VEPH1: variants seen among roughly 807,000 people sequenced by gnomAD.
VEPH1 encodes the protein ventricular zone expressed PH domain containing 1.
A neutral mutation model predicts 85.2 loss-of-function variants in VEPH1; 80 were observed. That is an observed-to-expected ratio of 0.94 (90% confidence interval 0.78 to 1.13). The LOEUF is 1.13. Ranked by LOEUF, VEPH1 falls within the 50% of genes most tolerant of loss-of-function variation. The probability of loss-of-function intolerance (pLI) is 0.00; values close to 1 mark genes in which losing one functional copy is unlikely to be tolerated. For missense variants in VEPH1, 955 were observed against 980.5 expected (o/e 0.97, Z 0.35); for synonymous variants, 297 against 348.0 (o/e 0.85, Z 1.63).
chr3:157,449,548 C>T (rs1734801592), intron 4 of VEPH1, among the ~76,000 whole-genome samples: 1 of 152,180 alleles, frequency 6.6e-6, no homozygotes, highest in Non-Finnish European at 1.5e-5. Context: ...ACTAGTGCTA[C>T]ACTGTCTTGA....
intron 4 of VEPH1, chr3:157,459,870 T>C (rs1735672763): frequency 6.5e-7 from 1 of 1,537,150 alleles, no homozygotes; most frequent in Non-Finnish European, 8.7e-7. Flanking sequence ...AGAGATAAGA[T>C]CTCCACAGTT....
At chr3:157,289,858 A>C (rs770539448) in intron 11 of VEPH1, among the ~76,000 whole-genome samples, 3 of 152,224 alleles carry the variant, frequency 2.0e-5, no homozygotes, top group Non-Finnish European at 4.4e-5. Context: ...AGTATTTTTC[A>C]GTTCTAATGG....
intron 2 of VEPH1, among the ~76,000 whole-genome samples, chr3:157,480,501 G>T (rs1204145530): frequency 1.3e-5 from 2 of 151,622 alleles, no homozygotes; most frequent in African/African-American, 4.8e-5. Flanking sequence ...CCATCCTTAC[G>T]TCTATTTGTA....
chr3:157,321,949 C>T (rs1721399829), intron 9 of VEPH1, among the ~76,000 whole-genome samples: 1 of 151,636 alleles, frequency 6.6e-6, no homozygotes, highest in Admixed American at 6.6e-5. Context: ...TATAATTTAC[C>T]ACTTTATGGA....
intron 6 of VEPH1, among the ~76,000 whole-genome samples, chr3:157,398,429 A>G (rs987173066): frequency 6.6e-6 from 1 of 151,574 alleles, no homozygotes; most frequent in Non-Finnish European, 1.5e-5. Flanking sequence ...AGGTCAGGAG[A>G]TCGAGACTAT....
rs1160188113 is a variant in VEPH1 at position 157,429,609 on chromosome 3, A to G, written c.530-1121T>C. On this transcript the variant is annotated intron_variant, in intron 4 of 13. Coordinates refer to ENST00000362010, the MANE Select transcript of VEPH1 (RefSeq NM_001167912.2). ...CAGGTTTTATCATGTTCCCCAGAATACAAGTTGTTGGAAATATTTAGAGTT... is the reference window on the plus strand; with the variant it reads ...CAGGTTTTATCATGTTCCCCAGAATGCAAGTTGTTGGAAATATTTAGAGTT... Among the ~76,000 whole-genome samples the G allele has an allele frequency of 2.0e-5, 3 of 152,356 alleles. No homozygotes were observed. The South Asian group carries it at 6.2e-4, about 32-fold the overall frequency.
intron 1 of VEPH1, chr3:157,499,425 A>G (rs1464357627): frequency 6.6e-6 from 1 of 152,148 alleles, no homozygotes; most frequent in African/African-American, 2.4e-5. Flanking sequence ...GCGCCCTTGC[A>G]GTTACTCAGC....
intron 12 of VEPH1, among the ~76,000 whole-genome samples, chr3:157,267,784 A>G (rs1577189477): frequency 6.6e-6 from 1 of 152,212 alleles, no homozygotes; most frequent in Non-Finnish European, 1.5e-5. Context: ...CAAACAAACA[A>G]ACAAACACTG....
At chr3:157,354,271 T>C (rs1725190963) in intron 9 of VEPH1, among the ~76,000 whole-genome samples, 1 of 151,674 alleles carries the variant, frequency 6.6e-6, no homozygotes, top group African/African-American at 2.4e-5. Context: ...AAAAAAAGAA[T>C]GAGTGGTCAT....
At chr3:157,287,119 TCC>T (rs1203659897) in intron 11 of VEPH1, among the ~76,000 whole-genome samples, 4 of 152,152 alleles carry the variant, frequency 2.6e-5, no homozygotes, top group Admixed American at 2.6e-4. Flanking sequence ...ATGCCTGTAA[TCC>T]CAACACTCTG....
At chr3:157,417,229 A>T (rs182217832) in intron 5 of VEPH1, among the ~76,000 whole-genome samples, 61 of 152,300 alleles carry the variant, frequency 4.0e-4, no homozygotes, top group Non-Finnish European at 6.9e-4. Flanking sequence ...TTCCAAACAT[A>T]GGGCATTTCC....
At chr3:157,457,066 T>C (rs906292450) in intron 4 of VEPH1, among the ~76,000 whole-genome samples, 1 of 152,204 alleles carries the variant, frequency 6.6e-6, no homozygotes, top group Non-Finnish European at 1.5e-5. Flanking sequence ...TGTTTTGTAG[T>C]TCTCCTTATA....
In VEPH1 at chr3:157,481,796, G is replaced by C. The variant is rs148965961; in HGVS notation, c.139-11267C>G. ...TAATCTTTGTATATGGTGGTAGGTA[G>C]GAATTCAGTTTCATTCTTCTGCATA... On this transcript the variant is annotated intron_variant, in intron 2 of 13. Coordinates refer to ENST00000362010, the MANE Select transcript of VEPH1 (RefSeq NM_001167912.2). 3.0e-3 allele frequency among the ~76,000 whole-genome samples: 458 copies of C among 152,238 alleles called. 3 individuals are homozygous for C. The highest frequency in any genetic ancestry group is 2.3e-3 in the Non-Finnish European group (155 of 68,004).
chr3:157,445,848 T>G (rs976956302), intron 4 of VEPH1, among the ~76,000 whole-genome samples: 3 of 152,106 alleles, frequency 2.0e-5, no homozygotes, highest in African/African-American at 7.2e-5. Context: ...TTATTCTCCC[T>G]AAAACACCCA....
intron 5 of VEPH1, among the ~76,000 whole-genome samples, chr3:157,425,299 G>C (rs1192824763): frequency 6.6e-6 from 1 of 152,226 alleles, no homozygotes; most frequent in Non-Finnish European, 1.5e-5. Context: ...TTGCTGCAGG[G>C]GTAGGGCTTT....
At chr3:157,343,499 G>A (rs1723835201) in intron 9 of VEPH1, among the ~76,000 whole-genome samples, 1 of 152,110 alleles carries the variant, frequency 6.6e-6, no homozygotes. Flanking sequence ...TCCCTCAATA[G>A]ACCAATAACA....
intron 12 of VEPH1, among the ~76,000 whole-genome samples, chr3:157,267,207 T>A (rs62276528): frequency 6.7e-6 from 1 of 149,858 alleles, no homozygotes; most frequent in East Asian, 2.0e-4. Context: ...GTGATTCCCC[T>A]GCCTCAGTCT....
chr3:157,373,877 C>A (rs866931703), intron 7 of VEPH1, among the ~76,000 whole-genome samples: 2 of 152,092 alleles, frequency 1.3e-5, no homozygotes, highest in Admixed American at 1.3e-4. Flanking sequence ...TGGGGCTGCC[C>A]GAGTCTCTAC....
intron 1 of VEPH1, among the ~76,000 whole-genome samples, chr3:157,497,472 G>A (rs889138119): frequency 6.6e-6 from 1 of 152,138 alleles, no homozygotes; most frequent in Non-Finnish European, 1.5e-5. Flanking sequence ...TCAGCACAGT[G>A]TTTTCCTACA....
Sources: gnomAD v4.1 joint callset for allele counts (sites outside exome capture counted in the v4.1 genomes callset) on GRCh38, gnomAD v4.1.1 for gene constraint, MANE v1.5 for transcripts, NCBI Gene and HGNC (gene_info 2026-07-23, HGNC 2026-07-21) for gene names.